Variants in RPS6KA5 observed in about 807,000 individuals in gnomAD.
The protein encoded by RPS6KA5 is ribosomal protein S6 kinase alpha-5.
RPS6KA5 carries 27 observed loss-of-function variants against 85.5 expected under a neutral mutation model. The observed-to-expected ratio is 0.32, with a 90% CI of 0.23 to 0.44. The LOEUF (loss-of-function observed/expected upper bound fraction) is 0.44. RPS6KA5 is among the 20% of genes least tolerant of loss of function. The pLI, the probability that RPS6KA5 is intolerant of heterozygous loss-of-function variation, is 1.00. For synonymous variants in RPS6KA5, 334 were observed against 348.2 expected, an observed-to-expected ratio of 0.96 and a Z score of 0.46; for missense variants, 811 against 980.9, an observed-to-expected ratio of 0.83 and a Z score of 2.31.
At chr14:90,961,978 C>CA (rs1269460684) in intron 3 of RPS6KA5, among the ~76,000 whole-genome samples, 1 of 152,164 alleles carries the variant, frequency 6.6e-6, no homozygotes, top group Non-Finnish European at 1.5e-5. Context: ...ATTAGAACCT[C>CA]AAAGTATCTG....
intron 1 of RPS6KA5, among the ~76,000 whole-genome samples, chr14:91,052,036 T>C (rs1022019278): frequency 6.6e-6 from 1 of 152,016 alleles, no homozygotes; most frequent in Non-Finnish European, 1.5e-5. Flanking sequence ...ACTCAGTCCA[T>C]CACCTTTACT....
At chr14:90,884,033 C>T (rs1169028912) in intron 14 of RPS6KA5, among the ~76,000 whole-genome samples, 1 of 152,220 alleles carries the variant, frequency 6.6e-6, no homozygotes, top group Non-Finnish European at 1.5e-5. Flanking sequence ...TCCTGGAAAT[C>T]ACTTCATCCA....
chr14:90,952,569 C>A (rs779332654), intron 3 of RPS6KA5, among the ~76,000 whole-genome samples: 6 of 152,226 alleles, frequency 3.9e-5, no homozygotes, highest in Non-Finnish European at 8.8e-5. Flanking sequence ...CAAGCCAATT[C>A]CACCCAAATG....
At chr14:90,978,616 A>C in intron 2 of RPS6KA5, 92 bp from the exon 3 acceptor site, 5 of 956,506 alleles carry the variant, frequency 5.2e-6, no homozygotes, top group Non-Finnish European at 6.1e-6. Context: ...TGCACAAAAA[A>C]TACACTCTTT....
At chr14:90,916,496 T>C (rs569089414) in intron 7 of RPS6KA5, among the ~76,000 whole-genome samples, 7 of 152,240 alleles carry the variant, frequency 4.6e-5, no homozygotes, top group African/African-American at 1.7e-4. Context: ...TAATAATTAA[T>C]GAATGGAAAA....
chr14:90,971,615 T>C (rs747131216), intron 3 of RPS6KA5, among the ~76,000 whole-genome samples: 7 of 152,180 alleles, frequency 4.6e-5, no homozygotes, highest in Non-Finnish European at 1.0e-4. Flanking sequence ...GGCAAGATAA[T>C]ACTAACATTG....
rs375774880 is a variant in RPS6KA5, at chr14:90,948,652, G to A, written c.395-1102C>T. ...GGAGGTTGCAGTGAGCGGAGATCGC[G>A]CCACCGCACTCCAGCCTGGGCGAAA... On this transcript the variant is annotated intron_variant, in intron 3 of 16. Coordinates refer to ENST00000614987, the MANE Select transcript of RPS6KA5 (RefSeq NM_004755.4). Among the ~76,000 whole-genome samples, 21 of 151,138 alleles carry A rather than the reference G, an allele frequency of 1.4e-4. No homozygotes were observed. In the East Asian group the frequency reaches 2.7e-3, roughly 20 times the overall value.
intron 14 of RPS6KA5, 29 bp downstream of exon 14, chr14:90,890,458 G>A (rs749355919): frequency 6.4e-7 from 1 of 1,565,268 alleles, no homozygotes; most frequent in Non-Finnish European, 8.7e-7. Flanking sequence ...AAATAAGCAG[G>A]TTTAATGACT....
At chr14:90,895,993 C>T (rs931457269) in intron 12 of RPS6KA5, among the ~76,000 whole-genome samples, 4 of 152,154 alleles carry the variant, frequency 2.6e-5, no homozygotes, top group African/African-American at 9.7e-5. Flanking sequence ...CATTATAAGG[C>T]CAACATCACT....
chr14:90,874,929 G>A (rs2033353030), intron 15 of RPS6KA5, among the ~76,000 whole-genome samples: 1 of 152,142 alleles, frequency 6.6e-6, no homozygotes, highest in Non-Finnish European at 1.5e-5. Flanking sequence ...CGTGTTTGGG[G>A]GGAAGGACAG....
chr14:91,022,857 C>G (rs2041838790), intron 1 of RPS6KA5, among the ~76,000 whole-genome samples: 1 of 152,054 alleles, frequency 6.6e-6, no homozygotes, highest in Non-Finnish European at 1.5e-5. Context: ...GAGGCCGAGG[C>G]AGGCAGATCA....
intron 1 of RPS6KA5, among the ~76,000 whole-genome samples, chr14:91,045,554 G>A (rs1045212911): frequency 6.6e-6 from 1 of 152,156 alleles, no homozygotes; most frequent in African/African-American, 2.4e-5. Flanking sequence ...ATGAGCCACC[G>A]CGCCTGGCCT....
At chr14:90,981,075 G>T (rs756743437) in intron 2 of RPS6KA5, among the ~76,000 whole-genome samples, 1 of 152,232 alleles carries the variant, frequency 6.6e-6, no homozygotes, top group African/African-American at 2.4e-5. Context: ...GGAGGCTGAG[G>T]CAGGAGAATT....
At chr14:91,028,468 A>G (rs2042066373) in intron 1 of RPS6KA5, among the ~76,000 whole-genome samples, 1 of 151,746 alleles carries the variant, frequency 6.6e-6, no homozygotes, top group Admixed American at 6.6e-5. Context: ...CTCCTACCTC[A>G]GCCTCCCAAA....
chr14:90,947,215 C>T (rs1228595913), intron 4 of RPS6KA5, among the ~76,000 whole-genome samples: 1 of 152,120 alleles, frequency 6.6e-6, no homozygotes, highest in African/African-American at 2.4e-5. Flanking sequence ...AAAGCCAAAA[C>T]CTGCTTAGGT....
chr14:91,056,867 CTTTTTTTTTTTTTTTTTTT>C lies in RPS6KA5; in HGVS notation c.103+3446_103+3464del, dbSNP rs34807092. Reference sequence around the variant, plus strand: ...ACTGTTATACTTAAGGCAGTATTATCTTTTTTTTTTTTTTTTTTTTTTTTTTTTTGGAGATGGGAGTCTT... The same window carrying C: ...ACTGTTATACTTAAGGCAGTATTATCTTTTTTTTTTGGAGATGGGAGTCTT... On this transcript the variant is annotated intron_variant, in intron 1 of 16. Coordinates refer to ENST00000614987, the MANE Select transcript of RPS6KA5 (RefSeq NM_004755.4). Among the ~76,000 whole-genome samples the C allele has an allele frequency of 2.8e-4, 11 of 38,876 alleles. 1 individual carries two copies. The South Asian group carries it at 0.018, about 63-fold the overall frequency. The allele number at this position is 38,876 out of a possible 152,430, so 25.5% of individuals were successfully genotyped here.
At chr14:91,052,789 G>A (rs1242836633) in intron 1 of RPS6KA5, among the ~76,000 whole-genome samples, 1 of 146,170 alleles carries the variant, frequency 6.8e-6, no homozygotes, top group Admixed American at 7.0e-5. Context: ...AGCAGAGTTC[G>A]CGTCACTGTA....
chr14:90,965,456 T>C (rs574833076), intron 3 of RPS6KA5, among the ~76,000 whole-genome samples: 2 of 152,266 alleles, frequency 1.3e-5, no homozygotes, highest in South Asian at 2.1e-4. Flanking sequence ...GATTTTAAGG[T>C]GCAAAAGAAA....
intron 3 of RPS6KA5, among the ~76,000 whole-genome samples, chr14:90,953,077 T>C (rs1007220293): frequency 6.6e-6 from 1 of 152,156 alleles, no homozygotes; most frequent in Non-Finnish European, 1.5e-5. Flanking sequence ...CCATGGCACA[T>C]TTATATAAAA....
Sources: allele counts gnomAD v4.1 joint callset (sites outside exome capture counted in the v4.1 genomes callset), GRCh38; gene constraint gnomAD v4.1.1; transcripts MANE v1.5; gene names NCBI Gene and HGNC (gene_info 2026-07-23, HGNC 2026-07-21).